The following FBXL7 variants were observed in gnomAD, a reference collection of about 807,000 sequenced individuals.
FBXL7 encodes the protein F-box and leucine rich repeat protein 7, also known as F-box/LRR-repeat protein 7.
Under a neutral mutation model 38.3 loss-of-function variants are expected in FBXL7, and 12 were observed. The observed-to-expected ratio is 0.31, with a 90% CI of 0.20 to 0.51. FBXL7 has a LOEUF of 0.51. Among genes scored for constraint, FBXL7 ranks in the 20% least tolerant of loss-of-function variants. The probability of loss-of-function intolerance (pLI) is 0.98; values close to 1 mark genes in which losing one functional copy is unlikely to be tolerated. For missense variants in FBXL7, 567 were observed against 676.4 expected (o/e 0.84, Z 1.79); for synonymous variants, 297 against 300.9 (o/e 0.99, Z 0.13).
chr5:15,694,639 A>G (rs1336201486), intron 2 of FBXL7, among the ~76,000 whole-genome samples: 1 of 152,220 alleles, frequency 6.6e-6, no homozygotes, highest in East Asian at 1.9e-4. Context: ...ACACAGGAAT[A>G]TAAGCTATTC....
chr5:15,612,621 T>A (rs558308309), intron 1 of FBXL7, among the ~76,000 whole-genome samples: 1 of 152,176 alleles, frequency 6.6e-6, no homozygotes, highest in Non-Finnish European at 1.5e-5. Flanking sequence ...TGAGTTATAT[T>A]GTCCAAGTTT....
chr5:15,904,200 G>C (rs1048913325), intron 2 of FBXL7, among the ~76,000 whole-genome samples: 4 of 152,084 alleles, frequency 2.6e-5, no homozygotes, highest in African/African-American at 7.2e-5. Context: ...GTTTTGATAG[G>C]TTTTCAAGAT....
intron 2 of FBXL7, among the ~76,000 whole-genome samples, chr5:15,677,918 C>A (rs1026477332): frequency 2.6e-5 from 4 of 152,114 alleles, no homozygotes; most frequent in African/African-American, 9.7e-5. Flanking sequence ...AAGGTGACAC[C>A]TTTCTTAAAC....
intron 2 of FBXL7, among the ~76,000 whole-genome samples, chr5:15,841,259 T>G (rs1738739520): frequency 6.6e-6 from 1 of 152,190 alleles, no homozygotes. Flanking sequence ...TGAGAATCAT[T>G]TTTTGTTTCT....
intron 1 of FBXL7, among the ~76,000 whole-genome samples, chr5:15,569,512 G>C (rs1156764381): frequency 7.9e-5 from 12 of 151,388 alleles, no homozygotes; most frequent in Non-Finnish European, 1.6e-4. Flanking sequence ...GGGTTTTCTA[G>C]ATATACAATC....
At chr5:15,658,442 C>T (rs576173761) in intron 2 of FBXL7, among the ~76,000 whole-genome samples, 7 of 152,210 alleles carry the variant, frequency 4.6e-5, no homozygotes, top group South Asian at 2.1e-4. Flanking sequence ...TTTCCCCCAT[C>T]GTGTTCTCAT....
intron 2 of FBXL7, among the ~76,000 whole-genome samples, chr5:15,852,444 G>C (rs1322433868): frequency 6.6e-6 from 1 of 152,118 alleles, no homozygotes; most frequent in Admixed American, 6.5e-5. Flanking sequence ...AAACTACCCT[G>C]GTGAGTGAGG....
intron 2 of FBXL7, among the ~76,000 whole-genome samples, chr5:15,694,344 G>A (rs1305946784): frequency 2.0e-5 from 3 of 152,184 alleles, no homozygotes; most frequent in Non-Finnish European, 4.4e-5. Flanking sequence ...AGCAAAGCAG[G>A]TGGGGCAGTT....
At chr5:15,542,162 T>A (rs1293450080) in intron 1 of FBXL7, among the ~76,000 whole-genome samples, 2 of 152,204 alleles carry the variant, frequency 1.3e-5, no homozygotes, top group Admixed American at 1.3e-4. Flanking sequence ...ATTATTACAC[T>A]TTATACCGTG....
At chr5:15,661,128 G>A (rs1742053674) in intron 2 of FBXL7, among the ~76,000 whole-genome samples, 1 of 152,098 alleles carries the variant, frequency 6.6e-6, no homozygotes. Flanking sequence ...CTTTTATATT[G>A]AGAAAGTCAT....
chr5:15,737,730 G>A (rs1488602738), intron 2 of FBXL7, among the ~76,000 whole-genome samples: 1 of 152,166 alleles, frequency 6.6e-6, no homozygotes, highest in Non-Finnish European at 1.5e-5. Flanking sequence ...ATACATTAGA[G>A]CAGAGTTCGA....
At chr5:15,642,715 G>C (rs1025119059) in intron 2 of FBXL7, among the ~76,000 whole-genome samples, 5 of 152,158 alleles carry the variant, frequency 3.3e-5, no homozygotes, top group African/African-American at 1.2e-4. Context: ...GACAGACCTA[G>C]ATAGGCCAAC....
At chr5:15,878,576 A>C (rs1740311245) in intron 2 of FBXL7, among the ~76,000 whole-genome samples, 1 of 152,198 alleles carries the variant, frequency 6.6e-6, no homozygotes, top group Admixed American at 6.5e-5. Context: ...CTCCTTGAGG[A>C]GTTCTCTAAT....
chr5:15,699,903 A>G (rs1053527536), intron 2 of FBXL7, among the ~76,000 whole-genome samples: 6 of 152,220 alleles, frequency 3.9e-5, no homozygotes, highest in Admixed American at 6.5e-5. Flanking sequence ...AACTGATGCA[A>G]TAATCTCATA....
intron 1 of FBXL7, chr5:15,606,772 G>C (rs1036310519): frequency 4.6e-5 from 7 of 152,196 alleles, no homozygotes; most frequent in African/African-American, 7.2e-5. Context: ...AAAGGACACT[G>C]TCTCATGTTT....
At chr5:15,676,524 A>G (rs1325217741) in intron 2 of FBXL7, among the ~76,000 whole-genome samples, 1 of 152,230 alleles carries the variant, frequency 6.6e-6, no homozygotes, top group Non-Finnish European at 1.5e-5. Flanking sequence ...TTTCAAAACA[A>G]TAACTTTCTG....
chr5:15,823,327 A>G (rs1738223364), intron 2 of FBXL7, among the ~76,000 whole-genome samples: 1 of 152,218 alleles, frequency 6.6e-6, no homozygotes. Context: ...AAGTATAATC[A>G]TTAGTTTGTT....
intron 2 of FBXL7, among the ~76,000 whole-genome samples, chr5:15,847,438 G>T (rs752963612): frequency 2.0e-5 from 3 of 152,086 alleles, no homozygotes; most frequent in Admixed American, 6.6e-5. Flanking sequence ...CTTTCACTGG[G>T]TCCCTCCCAT....
At chr5:15,922,182 A>G (rs1741761323) in intron 2 of FBXL7, among the ~76,000 whole-genome samples, 1 of 151,638 alleles carries the variant, frequency 6.6e-6, no homozygotes, top group Non-Finnish European at 1.5e-5. Context: ...TATATGAAAT[A>G]CTATTCAGCC....
Sources: allele counts gnomAD v4.1 joint callset (sites outside exome capture counted in the v4.1 genomes callset), GRCh38; gene constraint gnomAD v4.1.1; transcripts MANE v1.5; gene names NCBI Gene and HGNC (gene_info 2026-07-23, HGNC 2026-07-21).